Variants in ZNF804B observed in about 807,000 individuals in gnomAD.
ZNF804B encodes zinc finger 804B.
In ZNF804B, 80 loss-of-function variants were observed where a neutral mutation model predicts 101.4. That is an observed-to-expected ratio of 0.79 (90% CI 0.66 to 0.95). ZNF804B has a LOEUF of 0.95. Ranked by LOEUF, ZNF804B falls within the 40% of genes least tolerant of loss-of-function variation. ZNF804B has a pLI of 0.00. For missense variants in ZNF804B, 1,673 were observed against 1,561.9 expected, an observed-to-expected ratio of 1.07 and a Z score of -1.20; for synonymous variants, 622 against 558.8, an observed-to-expected ratio of 1.11 and a Z score of -1.59.
intron 1 of ZNF804B, among the ~76,000 whole-genome samples, chr7:88,994,993 T>A (rs1490050557): frequency 6.6e-6 from 1 of 152,076 alleles, no homozygotes; most frequent in Non-Finnish European, 1.5e-5. Context: ...CTAGATTGTT[T>A]GATTTTGTTG....
At chr7:88,818,488 C>T (rs1790920887) in intron 1 of ZNF804B, among the ~76,000 whole-genome samples, 1 of 151,858 alleles carries the variant, frequency 6.6e-6, no homozygotes, top group South Asian at 2.1e-4. Flanking sequence ...TAAAAATGTC[C>T]CACCTACAAT....
At chr7:88,937,835 A>G (rs1324586807) in intron 1 of ZNF804B, among the ~76,000 whole-genome samples, 1 of 152,084 alleles carries the variant, frequency 6.6e-6, no homozygotes, top group Non-Finnish European at 1.5e-5. Flanking sequence ...ATGTTAAAAC[A>G]AAGAAAAAAC....
intron 1 of ZNF804B, among the ~76,000 whole-genome samples, chr7:89,110,969 TG>T (rs1481563866): frequency 1.3e-5 from 2 of 152,172 alleles, no homozygotes; most frequent in Non-Finnish European, 2.9e-5. Context: ...TGTCATATAG[TG>T]GGAATCATAT....
chr7:88,857,697 G>C (rs1203488302), intron 1 of ZNF804B, among the ~76,000 whole-genome samples: 3 of 151,984 alleles, frequency 2.0e-5, no homozygotes, highest in Non-Finnish European at 4.4e-5. Context: ...AGGAGGAGCT[G>C]GTACCATAAC....
chr7:89,296,422 C>T (rs567244232), intron 2 of ZNF804B, among the ~76,000 whole-genome samples: 60 of 151,966 alleles, frequency 3.9e-4, no homozygotes, highest in African/African-American at 1.4e-3. Flanking sequence ...TGATGGATAT[C>T]CTTATTTAAG....
At chr7:89,239,162 A>G (rs1380646537) in intron 2 of ZNF804B, among the ~76,000 whole-genome samples, 1 of 152,156 alleles carries the variant, frequency 6.6e-6, no homozygotes, top group African/African-American at 2.4e-5. Flanking sequence ...ACAAAAATTT[A>G]GTTGAAACTG....
chr7:88,984,389 CT>C (rs1207233644), intron 1 of ZNF804B, among the ~76,000 whole-genome samples: 2 of 151,886 alleles, frequency 1.3e-5, no homozygotes, highest in Non-Finnish European at 2.9e-5. Context: ...GTTTTTGTTT[CT>C]TTGTTTGTTG....
chr7:88,973,976 A>T (rs1793574724), intron 1 of ZNF804B, among the ~76,000 whole-genome samples: 1 of 151,392 alleles, frequency 6.6e-6, no homozygotes, highest in Non-Finnish European at 1.5e-5. Flanking sequence ...AGAAAGTACA[A>T]AGCCCTGAGT....
intron 1 of ZNF804B, among the ~76,000 whole-genome samples, chr7:89,048,203 A>AACACAC (rs140428820): frequency 0.18 from 27,639 of 149,662 alleles, 2,648 homozygotes; most frequent in East Asian, 0.24. Context: ...GATGTTCACA[A>AACACAC]ACACACACAC....
At chr7:89,095,592 A>G (rs1789960228) in intron 1 of ZNF804B, among the ~76,000 whole-genome samples, 1 of 152,208 alleles carries the variant, frequency 6.6e-6, no homozygotes, top group African/African-American at 2.4e-5. Flanking sequence ...CAGTATGTTT[A>G]ATAATAAATT....
chr7:89,024,065 A>G (rs1178240613), intron 1 of ZNF804B, among the ~76,000 whole-genome samples: 6 of 152,184 alleles, frequency 3.9e-5, no homozygotes, highest in Admixed American at 3.3e-4. Context: ...CACATTTTGC[A>G]TTAAAACAGT....
chr7:89,157,911 C>T (rs1459442405), intron 1 of ZNF804B, among the ~76,000 whole-genome samples: 1 of 152,108 alleles, frequency 6.6e-6, no homozygotes, highest in African/African-American at 2.4e-5. Context: ...AAAGTTAATA[C>T]CGTAAGTTGA....
At chr7:88,944,983 A>T (rs564850093) in intron 1 of ZNF804B, among the ~76,000 whole-genome samples, 17 of 151,926 alleles carry the variant, frequency 1.1e-4, no homozygotes, top group Non-Finnish European at 2.5e-4. Flanking sequence ...TGGGTTCTGG[A>T]TATTAGCCCT....
rs1350755815 is a variant in ZNF804B, at chr7:88,859,486, A to G, written c.108+99402A>G. ...ATGATTTATGTGAGTTATGTGAATC[A>G]TGATTCAGCAAAATTTTATTTGGGG... On this transcript the variant is annotated intron_variant, in intron 1 of 3. Transcript: ENST00000333190. Among the ~76,000 whole-genome samples the G allele has an allele frequency of 2.0e-5, 3 of 152,280 alleles. No individual in the cohort carries two copies. The East Asian group carries it at 5.8e-4, about 29-fold the overall frequency.
rs149928177 is a variant in ZNF804B, at chr7:88,894,851, G to A, written c.108+134767G>A. Among the ~76,000 whole-genome samples the A allele has an allele frequency of 2.2e-4, 33 of 152,114 alleles. No individual in the cohort carries two copies. The East Asian group carries it at 6.4e-3, about 30-fold the overall frequency. On this transcript the variant is annotated intron_variant, in intron 1 of 3. Coordinates refer to ENST00000333190, the MANE Select transcript of ZNF804B (RefSeq NM_181646.5). ...GATCAGAGGTTTGGGGAGGGGGGTG[G>A]TTAAATATATGAAACACTGGGGATT...
intron 1 of ZNF804B, among the ~76,000 whole-genome samples, chr7:88,963,591 C>T (rs752015482): frequency 3.4e-4 from 52 of 151,240 alleles, no homozygotes; most frequent in Non-Finnish European, 5.8e-4. Flanking sequence ...AAACATGGGG[C>T]AAAATGTTTA....
At chr7:88,794,210 C>A in intron 1 of ZNF804B, 1 of 1,612,140 alleles carries the variant, frequency 6.2e-7, no homozygotes, top group Non-Finnish European at 8.5e-7. Context: ...GGCCATACCA[C>A]CTCAGAATCC....
At chr7:89,135,517 G>C (rs1394669988) in intron 1 of ZNF804B, among the ~76,000 whole-genome samples, 1 of 151,872 alleles carries the variant, frequency 6.6e-6, no homozygotes, top group Non-Finnish European at 1.5e-5. Context: ...ATTTGTTTTA[G>C]CTTATGTAGC....
chr7:88,865,664 A>G (rs567513883), intron 1 of ZNF804B, among the ~76,000 whole-genome samples: 4 of 152,286 alleles, frequency 2.6e-5, no homozygotes, highest in East Asian at 3.9e-4. Context: ...CTTTTGTTCC[A>G]TGTGTCTATG....
Sources: allele counts gnomAD v4.1 joint callset (sites outside exome capture counted in the v4.1 genomes callset), GRCh38; gene constraint gnomAD v4.1.1; transcripts MANE v1.5; gene names NCBI Gene and HGNC (gene_info 2026-07-23, HGNC 2026-07-21).